Variants in HMCN2 observed in about 807,000 individuals in gnomAD.
HMCN2 encodes the protein hemicentin-2.
A neutral mutation model predicts 377.5 loss-of-function variants in HMCN2; 325 were observed. The observed-to-expected ratio is 0.86, with a 90% CI of 0.79 to 0.94. HMCN2 has a LOEUF of 0.94. HMCN2 is among the 40% of genes least tolerant of loss of function. The probability of loss-of-function intolerance (pLI) is 0.00; values close to 1 mark genes in which losing one functional copy is unlikely to be tolerated. For synonymous variants in HMCN2, 2,007 were observed against 2,046.8 expected (o/e 0.98, Z 0.53); for missense variants, 4,543 against 4,725.3 (o/e 0.96, Z 1.13).
chr9:130,349,509 C>T, intron 28 of HMCN2, 28 bp from the exon 29 acceptor site: 1 of 1,300,422 alleles, frequency 7.7e-7, no homozygotes, highest in Non-Finnish European at 1.0e-6. Context: ...TGAACAGTTT[C>T]CCACCCCTCA....
chr9:130,409,019 C>A, intron 84 of HMCN2, 86 bp downstream of exon 84: 1 of 917,732 alleles, frequency 1.1e-6, no homozygotes, highest in Non-Finnish European at 1.5e-6. Flanking sequence ...CTTCCTATTG[C>A]CCCCTCTGCT....
chr9:130,416,013 A>C (rs186096986), intron 85 of HMCN2, among the ~76,000 whole-genome samples: 141 of 151,752 alleles, frequency 9.3e-4, no homozygotes, highest in African/African-American at 3.4e-3. Context: ...AACCACTGTG[A>C]TGGTCACGGT....
rs1192645698 is a variant in HMCN2, at chr9:130,423,047, CCT to C, written c.13381+322_13381+323del. Among the ~76,000 whole-genome samples, 1 of 152,150 alleles carries C rather than the reference CCT, an allele frequency of 6.6e-6. No homozygotes were observed. Among genetic ancestry groups the C allele is most frequent in the Non-Finnish European group, 1.5e-5 (1 of 68,028 alleles). ...TGGTTTCCCAAGCCACCGATGGCTC[CCT>C]GAGGCTTTTCCCCATTTAAGTTAAA... is the stretch of plus-strand genomic sequence containing the variant. On this transcript the variant is annotated intron_variant, in intron 87 of 97. Coordinates refer to ENST00000683500, the MANE Select transcript of HMCN2 (RefSeq NM_001291815.2). This position sits in a 1 kb window ranked among gnomAD's most constrained non-coding sequence, Gnocchi z 5.5.
chr9:130,384,025 G>A (rs1299698686), intron 57 of HMCN2, among the ~76,000 whole-genome samples: 1 of 152,210 alleles, frequency 6.6e-6, no homozygotes, highest in Non-Finnish European at 1.5e-5. Context: ...TGCAACTCAT[G>A]ACGTACACCG....
At chr9:130,430,020 G>A in intron 94 of HMCN2, 1 of 599,676 alleles carries the variant, frequency 1.7e-6, no homozygotes, top group Non-Finnish European at 2.9e-6. Context: ...GGATCTAACT[G>A]GGGCACTGAA....
chr9:130,402,883 C>T lies in HMCN2; in HGVS notation c.11865C>T (p.Phe3955=). Residue 3955 remains phenylalanine, a synonymous_variant, in exon 78 of 98, where the codon TTC becomes TTT. Coordinates refer to ENST00000683500, the MANE Select transcript of HMCN2 (RefSeq NM_001291815.2). The part of the protein sequence containing the change: ...NSAGVAHKHV[F]LTVQASPVVK... ...CCGGCGTAGCCCACAAGCACGTCTT[C>T]CTCACTGTGCAAGGTAAGGGTCCGT... is the stretch of plus-strand genomic sequence containing the variant. The T allele has an allele frequency of 7.8e-7, 1 of 1,289,660 alleles. No individual in the cohort carries two copies. The highest frequency in any genetic ancestry group is 1.0e-6 in the Non-Finnish European group (1 of 988,838). The allele number at this position is 1,289,660 out of a possible 1,614,324, so 79.9% of individuals were successfully genotyped here.
intron 62 of HMCN2, among the ~76,000 whole-genome samples, chr9:130,390,542 G>C (rs1190617144): frequency 6.6e-6 from 1 of 152,156 alleles, no homozygotes; most frequent in South Asian, 2.1e-4. Context: ...GAGAATGAAG[G>C]GGGAGGCCTG....
At chr9:130,355,279 C>T in intron 32 of HMCN2, among the ~76,000 whole-genome samples, 1 of 152,166 alleles carries the variant, frequency 6.6e-6, no homozygotes, top group Non-Finnish European at 1.5e-5. Context: ...TGCCCAGGAC[C>T]CTGGGCTGGG....
chr9:130,351,708 AGCTGGGG>A lies in HMCN2; in HGVS notation c.4585+139_4585+145del. Reference sequence around the variant, plus strand: ...GGTGAGTGATCCCTGAGTCCAAGAAAGCTGGGGGCTGGGGTCGGGGTTGGGGTCAGGG... The same window carrying A: ...GGTGAGTGATCCCTGAGTCCAAGAAAGCTGGGGTCGGGGTTGGGGTCAGGG... On this transcript the variant is annotated intron_variant, in intron 30 of 97. Coordinates refer to ENST00000683500, the MANE Select transcript of HMCN2 (RefSeq NM_001291815.2). The surrounding 1 kb of genome is among the most constrained non-coding windows in gnomAD (Gnocchi z 5.4). The A allele has an allele frequency of 1.5e-6, 1 of 655,536 alleles. No homozygotes were observed. The highest frequency in any genetic ancestry group is 2.2e-6 in the Non-Finnish European group (1 of 464,384). The allele number at this position is 655,536 out of a possible 1,614,324, so 40.6% of individuals were successfully genotyped here. A position where few individuals can be genotyped will look rare whatever the true frequency, so the allele number is the denominator to read the frequency against.
At chr9:130,281,509 A>C (rs1341867035) in intron 1 of HMCN2, among the ~76,000 whole-genome samples, 2 of 151,904 alleles carry the variant, frequency 1.3e-5, no homozygotes, top group African/African-American at 2.4e-5. Flanking sequence ...GAGGCACAAG[A>C]ATGACTTGAG....
chr9:130,400,601 T>A, intron 76 of HMCN2, 182 bp from the exon 77 acceptor site: 1 of 252,584 alleles, frequency 4.0e-6, no homozygotes, highest in Non-Finnish European at 7.7e-6. Context: ...GAAAAAAAAC[T>A]ATAGCCCCGT....
chr9:130,404,397 T>G (rs1842989680), intron 80 of HMCN2, among the ~76,000 whole-genome samples: 1 of 152,162 alleles, frequency 6.6e-6, no homozygotes, highest in Non-Finnish European at 1.5e-5. Context: ...CCGCTTCTTG[T>G]CCAGCGTGCT....
rs1837054923 is a variant in HMCN2 at position 130,308,939 on chromosome 9, G to A, written c.2201-973G>A. ...TGGAGTGGTGTTCGCCAGGGACTGG[G>A]GAGAGGAGAACACCAGGAGTTAGTG... is the stretch of plus-strand genomic sequence containing the variant. On this transcript the variant is annotated intron_variant, in intron 14 of 97. Transcript: ENST00000683500. The surrounding 1 kb of genome is among the most constrained non-coding windows in gnomAD (Gnocchi z 4.1). Among the ~76,000 whole-genome samples, 1 of 152,192 alleles carries A rather than the reference G, an allele frequency of 6.6e-6. No individual in the cohort carries two copies. Among genetic ancestry groups the A allele is most frequent in the South Asian group, 2.1e-4 (1 of 4,830 alleles).
intron 32 of HMCN2, among the ~76,000 whole-genome samples, 163 bp downstream of exon 32, chr9:130,355,207 T>C (rs907766872): frequency 6.6e-6 from 1 of 152,072 alleles, no homozygotes; most frequent in African/African-American, 2.4e-5. Context: ...AGGCCTGGGC[T>C]GTGGGGCCGG....
At chr9:130,345,846 C>T (rs920156853) in intron 25 of HMCN2, among the ~76,000 whole-genome samples, 15 of 152,074 alleles carry the variant, frequency 9.9e-5, no homozygotes, top group African/African-American at 2.7e-4. Flanking sequence ...GGGTCTCTGG[C>T]ACTTTACGGT....
chr9:130,273,574 T>G (rs1225871136), intron 1 of HMCN2, among the ~76,000 whole-genome samples: 2 of 152,158 alleles, frequency 1.3e-5, no homozygotes, highest in Non-Finnish European at 2.9e-5. Flanking sequence ...CTCAGCTCAC[T>G]GCAACCTCCG....
chr9:130,390,627 G>A (rs764747672), intron 62 of HMCN2, among the ~76,000 whole-genome samples: 1 of 152,192 alleles, frequency 6.6e-6, no homozygotes, highest in Non-Finnish European at 1.5e-5. Flanking sequence ...GGTCAGTGAG[G>A]GGCTGGTTTG....
intron 15 of HMCN2, among the ~76,000 whole-genome samples, chr9:130,316,812 A>C (rs1269205162): frequency 6.6e-6 from 1 of 152,180 alleles, no homozygotes; most frequent in Non-Finnish European, 1.5e-5. Flanking sequence ...GCCAGAAAGC[A>C]GAGATAAGGC....
chr9:130,429,782 C>T (rs1468430535), intron 94 of HMCN2, 97 bp downstream of exon 94: 1 of 1,444,684 alleles, frequency 6.9e-7, no homozygotes, highest in African/African-American at 1.4e-5. Flanking sequence ...ACGGGGACAC[C>T]CACCCTCTGG....
Sources: allele counts gnomAD v4.1 joint callset (sites outside exome capture counted in the v4.1 genomes callset), GRCh38; gene constraint gnomAD v4.1.1; non-coding constraint Gnocchi (gnomAD v3.1); transcripts MANE v1.5; gene names NCBI Gene and HGNC (gene_info 2026-07-23, HGNC 2026-07-21).